BCL6B: variants seen among roughly 807,000 people sequenced by gnomAD.
The protein encoded by BCL6B is B-cell CLL/lymphoma 6 member B protein.
Under a neutral mutation model 44.6 loss-of-function variants are expected in BCL6B, and 28 were observed. The observed-to-expected ratio is 0.63, with a 90% CI of 0.47 to 0.86. BCL6B has a LOEUF of 0.86. Among genes scored for constraint, BCL6B ranks in the 40% least tolerant of loss-of-function variants. BCL6B has a pLI of 0.00. For missense variants in BCL6B, 626 were observed against 652.3 expected (o/e 0.96, Z 0.44); for synonymous variants, 268 against 263.6 (o/e 1.02, Z -0.16).
At position 7,024,608 on chromosome 17, in the gene BCL6B, C is replaced by T. The variant is rs73979726; in HGVS notation, c.609C>T (p.Asn203=). 1,475 of 1,614,198 alleles carry T rather than the reference C, an allele frequency of 9.1e-4. 13 individuals are homozygous for T. In the African/African-American group the frequency reaches 0.015, roughly 17 times the overall value. The change falls in exon 4 of 9, where the codon AAC becomes AAT. Residue 203 remains asparagine (N), a synonymous_variant. Transcript: ENST00000293805. The surrounding 1 kb of genome is among the most constrained non-coding windows in gnomAD (Gnocchi z 6.6). ...AAAAGTACAAGTACATCGTGCTAAA[C>T]TCTCAGGCCTCCCAAGCAGGGAGCC... ...NWKKYKYIVL[N]SQASQAGSLV...
intron 5 of BCL6B, 80 bp from the exon 6 acceptor site, chr17:7,026,377 C>G: frequency 6.6e-7 from 1 of 1,523,552 alleles, no homozygotes; most frequent in Non-Finnish European, 8.9e-7. Flanking sequence ...AAGCCTGCTA[C>G]TGTGTGGTTT....
In BCL6B at chr17:7,028,374, G is replaced by C. The variant is rs1910359052; in HGVS notation, c.*755G>C. 1.2e-6 allele frequency: 1 copy of C among 836,126 alleles called. No homozygotes were observed. The highest frequency in any genetic ancestry group is 8.6e-4 in the Admixed American group (1 of 1,162). 51.8% of individuals were successfully genotyped at this position (836,126 alleles called of 1,614,324 possible). The stretch of plus-strand genomic sequence containing the variant: ...TAGAAATGGATACAGACATTTCTCT[G>C]TTCTTCAAGGGTGATAGGAACCATT... On this transcript the variant is annotated 3_prime_UTR_variant, in exon 9 of 9. Transcript: ENST00000293805.
In BCL6B at chr17:7,026,625, G is replaced by C; in HGVS notation, c.1054+4G>C. 6.2e-7 allele frequency: 1 copy of C among 1,614,102 alleles called. No homozygotes were observed. Among genetic ancestry groups the C allele is most frequent in the Non-Finnish European group, 8.5e-7 (1 of 1,179,950 alleles). Reference sequence around the variant, plus strand: ...AGTCATCGTACAGTGCACACAGGTAGGGGAAGAGAGGGCCCTGGCCTTCAA... The same window carrying C: ...AGTCATCGTACAGTGCACACAGGTACGGGAAGAGAGGGCCCTGGCCTTCAA... On this transcript the variant is annotated splice_donor_region_variant and intron_variant, in intron 6 of 8. Transcript: ENST00000293805.
chr17:7,024,046 C>T lies in BCL6B; in HGVS notation c.180-37C>T, dbSNP rs1438009942. The T allele has an allele frequency of 4.4e-6, 7 of 1,600,622 alleles. No homozygotes were observed. The highest frequency in any genetic ancestry group is 6.0e-6 in the Non-Finnish European group (7 of 1,169,284). On this transcript the variant is annotated intron_variant, in intron 2 of 8. Transcript: ENST00000293805. This position sits in a 1 kb window ranked among gnomAD's most constrained non-coding sequence, Gnocchi z 6.6. Reference sequence around the variant, plus strand: ...GAAGCTGCGCATGTCTCCCTTGGTTCCCCAGCCCCCAAAGGACTTATCTGC... The same window carrying T: ...GAAGCTGCGCATGTCTCCCTTGGTTTCCCAGCCCCCAAAGGACTTATCTGC...
At position 7,024,323 on chromosome 17, in the gene BCL6B, G is replaced by A. The variant is rs1910221207; in HGVS notation, c.401+19G>A. ...AGGCCAGGTGAGGGACCCTGGCTCG[G>A]CGTTCTCTGTGGGTGAGGTGTTAAG... On this transcript the variant is annotated intron_variant, in intron 3 of 8. Transcript: ENST00000293805. This position sits in a 1 kb window ranked among gnomAD's most constrained non-coding sequence, Gnocchi z 6.6. 1 of 1,613,724 alleles carries A rather than the reference G, an allele frequency of 6.2e-7. No homozygotes were observed. The highest frequency in any genetic ancestry group is 8.5e-7 in the Non-Finnish European group (1 of 1,179,978).
chr17:7,028,777 T>C lies in BCL6B; in HGVS notation c.*1158T>C, dbSNP rs1466636327. Reference sequence around the variant, plus strand: ...AGAATCATGAAACTCTTTAGCTTGATTAGATGGTAAACAGTGTTAACCCAT... The same window carrying C: ...AGAATCATGAAACTCTTTAGCTTGACTAGATGGTAAACAGTGTTAACCCAT... On this transcript the variant is annotated 3_prime_UTR_variant, in exon 9 of 9. Transcript: ENST00000293805. 3 of 985,334 alleles carry C rather than the reference T, an allele frequency of 3.0e-6. No individual in the cohort carries two copies. In the African/African-American group the frequency reaches 5.2e-5, roughly 17 times the overall value. The allele number at this position is 985,334 out of a possible 1,614,324, so 61.0% of individuals were successfully genotyped here.
rs1412932798 is a variant in BCL6B at position 7,028,748 on chromosome 17, G to C, written c.*1129G>C. The C allele has an allele frequency of 3.0e-6, 3 of 985,346 alleles. No homozygotes were observed. The highest frequency in any genetic ancestry group is 4.7e-5 in the South Asian group (1 of 21,292). 61.0% of individuals were successfully genotyped at this position (985,346 alleles called of 1,614,324 possible). A position where few individuals can be genotyped will look rare whatever the true frequency, so the allele number is the denominator to read the frequency against. On this transcript the variant is annotated 3_prime_UTR_variant, in exon 9 of 9. Coordinates refer to ENST00000293805, the MANE Select transcript of BCL6B (RefSeq NM_181844.4). Reference sequence around the variant, plus strand: ...CAGTCTCTATGAATGTTATGGCCTAGGGAAGAATCATGAAACTCTTTAGCT... The same window carrying C: ...CAGTCTCTATGAATGTTATGGCCTACGGAAGAATCATGAAACTCTTTAGCT...
chr17:7,023,173 T>C, intron 1 of BCL6B, 74 bp downstream of exon 1: 1 of 156,778 alleles, frequency 6.4e-6, no homozygotes, highest in South Asian at 1.7e-4. Context: ...GAGCTTGCCA[T>C]CAGCGAGCCT....
At chr17:7,023,266 G>A (rs2151662265) in intron 1 of BCL6B, 167 bp downstream of exon 1, 1 of 199,764 alleles carries the variant, frequency 5.0e-6, no homozygotes, top group Non-Finnish European at 1.0e-5. Context: ...GGGAGCCTCG[G>A]CTGGGATTTG....
Position 7,024,586 on chromosome 17 carries a change from A to G in BCL6B, c.587A>G (p.Lys196Arg), listed in dbSNP as rs1426589995. The change falls in exon 4 of 9, where the codon AAG becomes AGG. Residue 196 changes from lysine to arginine, a missense_variant. Physicochemically the swap from Lys to Arg is conservative, Grantham distance 26 (BLOSUM62 2). Transcript: ENST00000293805. This position sits in a 1 kb window ranked among gnomAD's most constrained non-coding sequence, Gnocchi z 6.6. Reference sequence around the variant, plus strand: ...GACCCCAAGGCCTGCAACTGGAAAAAGTACAAGTACATCGTGCTAAACTCT... The same window carrying G: ...GACCCCAAGGCCTGCAACTGGAAAAGGTACAAGTACATCGTGCTAAACTCT... The part of the protein sequence containing the change: ...SPDPKACNWK[K>R]YKYIVLNSQA... 1 of 1,614,088 alleles carries G rather than the reference A, an allele frequency of 6.2e-7. No homozygotes were observed. The highest frequency in any genetic ancestry group is 1.7e-5 in the Admixed American group (1 of 60,018).
In BCL6B at chr17:7,027,895, G is replaced by C; in HGVS notation, c.*276G>C. ...GGAAAGGGGAGAGATTGGAGTCCTG[G>C]TCTCCCTAAGGGAATAGCCCTCCAC... On this transcript the variant is annotated 3_prime_UTR_variant, in exon 9 of 9. Transcript: ENST00000293805. 1 of 1,322,638 alleles carries C rather than the reference G, an allele frequency of 7.6e-7. No homozygotes were observed. Among genetic ancestry groups the C allele is most frequent in the East Asian group, 3.3e-5 (1 of 29,980 alleles). 81.9% of individuals were successfully genotyped at this position (1,322,638 alleles called of 1,614,324 possible).
Position 7,024,428 on chromosome 17 carries a change from C to T in BCL6B, c.429C>T (p.Arg143=). ...ASYEPLGISL[R]PLEAEPPTPP... ...ATGAACCTCTGGGCATCTCCCTGCG[C>T]CCCCTGGAAGCAGAACCCCCAACAC... The change falls in exon 4 of 9, where the codon CGC becomes CGT. Residue 143 remains arginine, a synonymous_variant. Transcript: ENST00000293805. The surrounding 1 kb of genome is among the most constrained non-coding windows in gnomAD (Gnocchi z 6.6). The T allele has an allele frequency of 6.2e-7, 1 of 1,613,448 alleles. No homozygotes were observed. The highest frequency in any genetic ancestry group is 2.2e-5 in the East Asian group (1 of 44,856).
Position 7,024,590 on chromosome 17 carries a change from C to A in BCL6B, c.591C>A (p.Tyr197Ter). 1 of 1,614,150 alleles carries A rather than the reference C, an allele frequency of 6.2e-7. No individual in the cohort carries two copies. The highest frequency in any genetic ancestry group is 8.5e-7 in the Non-Finnish European group (1 of 1,180,036). Residue 197 changes from tyrosine (Y) to a stop codon, truncating the protein, a stop_gained, in exon 4 of 9, where the codon TAC becomes TAA. Coordinates refer to ENST00000293805, the MANE Select transcript of BCL6B (RefSeq NM_181844.4). LOFTEE classifies it high-confidence loss of function. The surrounding 1 kb of genome is among the most constrained non-coding windows in gnomAD (Gnocchi z 6.6). Reference sequence around the variant, plus strand: ...CCAAGGCCTGCAACTGGAAAAAGTACAAGTACATCGTGCTAAACTCTCAGG... The same window carrying A: ...CCAAGGCCTGCAACTGGAAAAAGTAAAAGTACATCGTGCTAAACTCTCAGG... ...PDPKACNWKK[Y>*]KYIVLNSQAS...
At chr17:7,025,308 A>C in intron 5 of BCL6B, 108 bp downstream of exon 5, 1 of 1,442,010 alleles carries the variant, frequency 6.9e-7, no homozygotes, top group South Asian at 1.3e-5. Context: ...CTTTATTACA[A>C]ATTAGAATCA....
Position 7,026,550 on chromosome 17 carries a change from A to G in BCL6B, c.983A>G (p.Tyr328Cys), listed in dbSNP as rs375118942. 36 of 1,614,204 alleles carry G rather than the reference A, an allele frequency of 2.2e-5. No individual in the cohort carries two copies. The highest frequency in any genetic ancestry group is 1.3e-4 in the African/African-American group (10 of 75,048). ...SLVPGDEDKP[Y>C]KCQLCRSSFR... is the part of the protein sequence containing the mutation. ...GTTCCTGGGGACGAAGACAAACCCT[A>G]TAAGTGTCAGCTGTGCCGGTCTTCG... Residue 328 changes from tyrosine to cysteine, a missense_variant, in exon 6 of 9, where the codon TAT becomes TGT. Tyr to Cys is a radical substitution (Grantham distance 194). Coordinates refer to ENST00000293805, the MANE Select transcript of BCL6B (RefSeq NM_181844.4).
In BCL6B at chr17:7,024,491, C is replaced by A. The variant is rs533439940; in HGVS notation, c.492C>A (p.Ser164=). Residue 164 remains serine (S), a synonymous_variant, in exon 4 of 9, where the codon TCC becomes TCA. Coordinates refer to ENST00000293805, the MANE Select transcript of BCL6B (RefSeq NM_181844.4). This position sits in a 1 kb window ranked among gnomAD's most constrained non-coding sequence, Gnocchi z 6.6. ...CTCCACCAGGTAGTCCCAGGCGCTC[C>A]GAAGGACACCCAGACCCACCTACTG... The part of the protein sequence containing the change: ...TAPPPGSPRR[S]EGHPDPPTES... 15 of 1,613,906 alleles carry A rather than the reference C, an allele frequency of 9.3e-6. No homozygotes were observed. Among genetic ancestry groups the A allele is most frequent in the Admixed American group, 3.3e-5 (2 of 59,988 alleles).
intron 8 of BCL6B, 72 bp from the exon 9 acceptor site, chr17:7,027,431 A>C: frequency 1.3e-6 from 2 of 1,548,850 alleles, no homozygotes; most frequent in Non-Finnish European, 1.8e-6. Context: ...GGAGAGCTGG[A>C]CGGCCGCCCG....
At chr17:7,027,194 G>T in intron 8 of BCL6B, 107 bp downstream of exon 8, 1 of 1,452,744 alleles carries the variant, frequency 6.9e-7, no homozygotes, top group Admixed American at 2.0e-5. Flanking sequence ...TCTTAGAAAT[G>T]AGCGGTGGCC....
In BCL6B at chr17:7,024,238, T is replaced by C; in HGVS notation, c.335T>C (p.Leu112Pro). 6.2e-7 allele frequency: 1 copy of C among 1,613,810 alleles called. No individual in the cohort carries two copies. Among genetic ancestry groups the C allele is most frequent in the South Asian group, 1.1e-5 (1 of 91,088 alleles). ...RLSPATAPAV[L>P]AAATYLQMEH... ...TCTCCAGCCACTGCACCAGCAGTCC[T>C]AGCGGCCGCCACCTATTTGCAGATG... Residue 112 changes from leucine to proline, a missense_variant, in exon 3 of 9, where the codon CTA becomes CCA. Coordinates refer to ENST00000293805, the MANE Select transcript of BCL6B (RefSeq NM_181844.4). The surrounding 1 kb of genome is among the most constrained non-coding windows in gnomAD (Gnocchi z 6.6).
Sources: gnomAD v4.1 joint callset for allele counts on GRCh38, gnomAD v4.1.1 for gene constraint, Gnocchi (gnomAD v3.1) non-coding constraint, MANE v1.5 for transcripts, NCBI Gene and HGNC (gene_info 2026-07-23, HGNC 2026-07-21) for gene names.